Variants in IL1RAPL2 observed in about 807,000 individuals in gnomAD.
IL1RAPL2 encodes the protein X-linked interleukin-1 receptor accessory protein-like 2.
A neutral mutation model predicts 44.1 loss-of-function variants in IL1RAPL2; 3 were observed. The observed-to-expected ratio is 0.07, with a 90% confidence interval of 0.03 to 0.18. The LOEUF is 0.18. IL1RAPL2 is among the 10% of genes least tolerant of loss of function. IL1RAPL2 has a pLI of 1.00. For synonymous variants in IL1RAPL2, 181 were observed against 178.8 expected, an observed-to-expected ratio of 1.01 and a Z score of -0.10; for missense variants, 391 against 496.4, an observed-to-expected ratio of 0.79 and a Z score of 2.02.
intron 2 of IL1RAPL2, among the ~76,000 whole-genome samples, chrX:105,130,361 T>C (rs1050593635): frequency 1.8e-5 from 2 of 111,633 alleles, no homozygotes; most frequent in African/African-American, 6.5e-5. Flanking sequence ...CAGGTGATTC[T>C]GATGTATTAC....
intron 2 of IL1RAPL2, among the ~76,000 whole-genome samples, chrX:104,976,313 G>GA (rs201646673): frequency 2.7e-5 from 3 of 110,294 alleles, no homozygotes; most frequent in Admixed American, 9.7e-5. Flanking sequence ...AGTCTAATGA[G>GA]AAAAAAAACA....
At chrX:105,046,712 G>A (rs1569369426) in intron 2 of IL1RAPL2, among the ~76,000 whole-genome samples, 1 of 110,895 alleles carries the variant, frequency 9.0e-6, no homozygotes, top group South Asian at 3.8e-4. Flanking sequence ...TGGTAGGTTT[G>A]AGCACAGTGT....
intron 5 of IL1RAPL2, among the ~76,000 whole-genome samples, chrX:105,330,467 A>G (rs112153618): frequency 0.062 from 6,835 of 111,070 alleles, 497 homozygotes; most frequent in African/African-American, 0.21. Flanking sequence ...TTCTGCTCAG[A>G]TATCTCTCCT....
At chrX:105,227,940 C>T (rs2034033300) in intron 3 of IL1RAPL2, among the ~76,000 whole-genome samples, 1 of 110,102 alleles carries the variant, frequency 9.1e-6, no homozygotes, top group Admixed American at 9.7e-5. Flanking sequence ...TTCTTTTTTC[C>T]CCCTTATCCC....
intron 2 of IL1RAPL2, among the ~76,000 whole-genome samples, chrX:104,799,867 A>G (rs1200840427): frequency 9.0e-6 from 1 of 111,317 alleles, no homozygotes; most frequent in Admixed American, 9.6e-5. Context: ...GGAAATATAT[A>G]TTATTATTAA....
chrX:104,886,207 A>G (rs191153938), intron 2 of IL1RAPL2, among the ~76,000 whole-genome samples: 29 of 112,698 alleles, frequency 2.6e-4, no homozygotes, highest in African/African-American at 7.7e-4. Context: ...GTTATGCCTG[A>G]AAGTCCCACA....
intron 6 of IL1RAPL2, among the ~76,000 whole-genome samples, chrX:105,585,688 A>G (rs210728): frequency 0.027 from 378 of 13,936 alleles, 1 homozygote; most frequent in African/African-American, 0.1. Flanking sequence ...TGCAAAAGAC[A>G]TGATCTCATT....
chrX:104,697,346 C>T (rs1931198722), intron 2 of IL1RAPL2, among the ~76,000 whole-genome samples: 1 of 112,630 alleles, frequency 8.9e-6, no homozygotes, highest in Admixed American at 9.4e-5. Flanking sequence ...GACTTTAAGC[C>T]TCCTTCAGTT....
chrX:105,430,684 T>C (rs1332434151), intron 5 of IL1RAPL2, among the ~76,000 whole-genome samples: 1 of 111,442 alleles, frequency 9.0e-6, no homozygotes, highest in African/African-American at 3.2e-5. Context: ...AATTTCTATA[T>C]TCATCATGTC....
At chrX:104,784,821 C>A (rs913206275) in intron 2 of IL1RAPL2, among the ~76,000 whole-genome samples, 3 of 108,792 alleles carry the variant, frequency 2.8e-5, no homozygotes, top group Non-Finnish European at 5.7e-5. Context: ...AACCTCTTAT[C>A]CCTGAAGACC....
intron 2 of IL1RAPL2, among the ~76,000 whole-genome samples, chrX:104,839,229 T>C (rs1401968370): frequency 1.8e-5 from 2 of 111,302 alleles, no homozygotes; most frequent in African/African-American, 6.5e-5. Flanking sequence ...AAATAGCTCT[T>C]ATTATTTTGA....
chrX:104,917,358 C>T (rs140235967), intron 2 of IL1RAPL2, among the ~76,000 whole-genome samples: 1,876 of 112,097 alleles, frequency 0.017, 33 homozygotes, highest in Middle Eastern at 0.028. Flanking sequence ...CATTAGATTT[C>T]TGATGTTATA....
chrX:105,317,804 A>G (rs999532806), intron 5 of IL1RAPL2, among the ~76,000 whole-genome samples: 1 of 110,716 alleles, frequency 9.0e-6, no homozygotes, highest in African/African-American at 3.3e-5. Flanking sequence ...TGAGAACAGG[A>G]CAGAGCTACT....
chrX:104,994,288 A>G, intron 2 of IL1RAPL2, among the ~76,000 whole-genome samples: 1 of 111,745 alleles, frequency 8.9e-6, no homozygotes, highest in Non-Finnish European at 1.9e-5. Flanking sequence ...CCAAGTACAT[A>G]CTGTACGAAT....
intron 2 of IL1RAPL2, among the ~76,000 whole-genome samples, chrX:105,026,052 G>A (rs1280853259): frequency 9.0e-6 from 1 of 110,778 alleles, no homozygotes; most frequent in Non-Finnish European, 1.9e-5. Flanking sequence ...CTGCGGAAAA[G>A]CATTGATGGG....
chrX:105,420,256 G>A (rs747332957), intron 5 of IL1RAPL2, among the ~76,000 whole-genome samples: 1 of 111,714 alleles, frequency 9.0e-6, no homozygotes, highest in East Asian at 2.8e-4. Flanking sequence ...TACCTACTAA[G>A]TACTGTCACC....
chrX:105,586,727 C>T (rs1289523808), intron 6 of IL1RAPL2, among the ~76,000 whole-genome samples: 1 of 111,850 alleles, frequency 8.9e-6, no homozygotes, highest in African/African-American at 3.2e-5. Context: ...TCTTTTTTTG[C>T]TTCATATAGT....
chrX:105,274,984 G>C (rs2034474604), intron 5 of IL1RAPL2, among the ~76,000 whole-genome samples: 2 of 111,828 alleles, frequency 1.8e-5, no homozygotes, highest in Non-Finnish European at 3.8e-5. Flanking sequence ...GCTGAGGTGG[G>C]TGGATTGCTT....
At chrX:104,713,434 C>T (rs1293274823) in intron 2 of IL1RAPL2, among the ~76,000 whole-genome samples, 1 of 110,779 alleles carries the variant, frequency 9.0e-6, no homozygotes, top group Non-Finnish European at 1.9e-5. Context: ...AAAATGTAAT[C>T]CCTTCCACCT....
Sources: gnomAD v4.1 joint callset for allele counts (sites outside exome capture counted in the v4.1 genomes callset) on GRCh38, gnomAD v4.1.1 for gene constraint, MANE v1.5 for transcripts, NCBI Gene and HGNC (gene_info 2026-07-23, HGNC 2026-07-21) for gene names.